The following SULF2 variants were observed in gnomAD, a reference collection of about 807,000 sequenced individuals.
SULF2 encodes sulfatase 2.
Under a neutral mutation model 107.7 loss-of-function variants are expected in SULF2, and 52 were observed. The observed-to-expected ratio is 0.48, with a 90% CI of 0.39 to 0.61. SULF2 has a LOEUF of 0.61. Ranked by LOEUF, SULF2 falls within the 20% of genes least tolerant of loss-of-function variation. The pLI, the probability that SULF2 is intolerant of heterozygous loss-of-function variation, is 0.00. For synonymous variants in SULF2, 460 were observed against 464.3 expected, an observed-to-expected ratio of 0.99 and a Z score of 0.12; for missense variants, 993 against 1,177.3, an observed-to-expected ratio of 0.84 and a Z score of 2.29.
At chr20:47,661,706 C>T in intron 18 of SULF2, 67 bp downstream of exon 18, 1 of 1,384,264 alleles carries the variant, frequency 7.2e-7, no homozygotes, top group Non-Finnish European at 9.5e-7. Context: ...GGGTAGACAC[C>T]ACCTCCTGAG....
At chr20:47,679,810 G>T (rs537055426) in intron 7 of SULF2, among the ~76,000 whole-genome samples, 1 of 152,284 alleles carries the variant, frequency 6.6e-6, no homozygotes, top group Admixed American at 6.5e-5. Context: ...GTGGCAGTTT[G>T]TTCTGCAGCA....
At position 47,746,990 on chromosome 20, in the gene SULF2, AAAAAATATAT is replaced by A. The variant is rs1487809051; in HGVS notation, c.176-10058_176-10049del. ...CCTAGAACTTAAATAAATAAAAAAAAAAAAATATATATATATATATATATATATACACACA... is the reference window on the plus strand; with the variant it reads ...CCTAGAACTTAAATAAATAAAAAAAAATATATATATATATATATACACACA... On this transcript the variant is annotated intron_variant, in intron 2 of 20. Coordinates refer to ENST00000688720, the MANE Select transcript of SULF2 (RefSeq NM_001387048.1). 1.6e-3 allele frequency among the ~76,000 whole-genome samples: 104 copies of A among 64,856 alleles called. 1 individual carries two copies. Among genetic ancestry groups the A allele is most frequent in the African/African-American group, 5.7e-3 (99 of 17,262 alleles). The allele number at this position is 64,856 out of a possible 152,430, so 42.5% of individuals were successfully genotyped here.
intron 3 of SULF2, among the ~76,000 whole-genome samples, chr20:47,731,789 G>T (rs762474189): frequency 7.9e-5 from 12 of 152,258 alleles, no homozygotes; most frequent in Non-Finnish European, 1.5e-4. Context: ...CCATCATGCT[G>T]CTGGCGCATA....
At chr20:47,745,434 TATATATATATATATATATATATAC>T (rs1307208351) in intron 2 of SULF2, among the ~76,000 whole-genome samples, 9 of 9,172 alleles carry the variant, frequency 9.8e-4, no homozygotes, top group Non-Finnish European at 1.7e-3. Flanking sequence ...TATATATATA[TATATATATATATATATATATATAC>T]ACATACACAC....
intron 14 of SULF2, among the ~76,000 whole-genome samples, chr20:47,664,988 C>T (rs1250076757): frequency 6.6e-6 from 1 of 152,248 alleles, no homozygotes; most frequent in East Asian, 1.9e-4. Context: ...GCTAGCAGTA[C>T]TGGAATCTGG....
In SULF2 at chr20:47,658,273, G is replaced by T. The variant is rs1201792594; in HGVS notation, c.*89C>A. 6 of 1,418,166 alleles carry T rather than the reference G, an allele frequency of 4.2e-6. No homozygotes were observed. The highest frequency in any genetic ancestry group is 6.0e-6 in the Non-Finnish European group (6 of 1,001,384). The allele number at this position is 1,418,166 out of a possible 1,614,324, so 87.8% of individuals were successfully genotyped here. A position where few individuals can be genotyped will look rare whatever the true frequency, so the allele number is the denominator to read the frequency against. On this transcript the variant is annotated 3_prime_UTR_variant, in exon 21 of 21. Transcript: ENST00000688720. ...CTCAGGCCTCCTGGCCAATACCACA[G>T]GTCTGCTGGAAATCACCCACATGGT...
intron 2 of SULF2, among the ~76,000 whole-genome samples, chr20:47,742,927 A>ATTTTTTTTTTTTTTTTTTTTTTTTTTTTT (rs397837137): frequency 1.0e-5 from 1 of 99,452 alleles, no homozygotes. Context: ...TCAAAACATG[A>ATTTTTTTTTTTTTTTTTTTTTTTTTTTTT]TTTTTTTTTT....
intron 2 of SULF2, among the ~76,000 whole-genome samples, chr20:47,747,222 TA>T (rs1287031848): frequency 6.6e-6 from 1 of 152,066 alleles, no homozygotes; most frequent in Non-Finnish European, 1.5e-5. Flanking sequence ...CATTACAAAA[TA>T]AAGACAAATG....
rs1034802277 is a variant in SULF2, at chr20:47,665,155, T to C, written c.1997+44A>G. The C allele has an allele frequency of 7.2e-6, 9 of 1,242,562 alleles. No individual in the cohort carries two copies. The Admixed American group carries it at 1.3e-4, about 19-fold the overall frequency. The allele number at this position is 1,242,562 out of a possible 1,614,324, so 77.0% of individuals were successfully genotyped here. On this transcript the variant is annotated intron_variant, in intron 14 of 20. Transcript: ENST00000688720. The stretch of plus-strand genomic sequence containing the variant: ...AGAGGGGATGAACTGAACTGTCCTG[T>C]AGGAGAGTGGGGTCTTAGGGAGGTC...
At chr20:47,751,994 C>T (rs1390288850) in intron 2 of SULF2, among the ~76,000 whole-genome samples, 1 of 152,218 alleles carries the variant, frequency 6.6e-6, no homozygotes, top group Non-Finnish European at 1.5e-5. Flanking sequence ...GTAACCATGC[C>T]AGGCTCACAT....
intron 2 of SULF2, among the ~76,000 whole-genome samples, chr20:47,738,355 C>T (rs1600615763): frequency 6.6e-6 from 1 of 152,170 alleles, no homozygotes; most frequent in East Asian, 1.9e-4. Context: ...CTTCTATGGC[C>T]ATCCTTGGTT....
intron 5 of SULF2, among the ~76,000 whole-genome samples, chr20:47,687,562 G>C (rs116750794): frequency 5.4e-4 from 82 of 152,216 alleles, no homozygotes; most frequent in Non-Finnish European, 8.4e-4. Flanking sequence ...CACAATCAGC[G>C]CCCTTTGAAG....
At chr20:47,668,853 AC>A (rs2087367803) in intron 11 of SULF2, among the ~76,000 whole-genome samples, 1 of 152,138 alleles carries the variant, frequency 6.6e-6, no homozygotes, top group South Asian at 2.1e-4. Flanking sequence ...CCTCGGCCAC[AC>A]CGGTCACCTC....
intron 2 of SULF2, among the ~76,000 whole-genome samples, chr20:47,752,511 G>C (rs1160104678): frequency 1.4e-5 from 2 of 147,792 alleles, no homozygotes; most frequent in Non-Finnish European, 3.0e-5. Context: ...GGGGCGGATT[G>C]TTTGAGCTCA....
intron 1 of SULF2, among the ~76,000 whole-genome samples, chr20:47,783,291 A>G (rs888970996): frequency 6.6e-6 from 1 of 152,216 alleles, no homozygotes; most frequent in African/African-American, 2.4e-5. Context: ...CTGCAGGACT[A>G]AAGTCTAAGG....
At chr20:47,700,270 G>C (rs2088517409) in intron 4 of SULF2, among the ~76,000 whole-genome samples, 1 of 152,178 alleles carries the variant, frequency 6.6e-6, no homozygotes, top group Non-Finnish European at 1.5e-5. Flanking sequence ...AGCTTCCTTA[G>C]AGCATGGCCA....
chr20:47,702,629 C>A lies in SULF2; in HGVS notation c.457G>T (p.Val153Leu). The A allele has an allele frequency of 6.2e-7, 1 of 1,613,886 alleles. No homozygotes were observed. The highest frequency in any genetic ancestry group is 1.1e-5 in the South Asian group (1 of 91,070). The change falls in exon 4 of 21, where the codon GTG becomes TTG. Residue 153 changes from valine (V) to leucine (L), a missense_variant. Physicochemically the swap from Val to Leu is conservative, Grantham distance 32. Coordinates refer to ENST00000688720, the MANE Select transcript of SULF2 (RefSeq NM_001387048.1). ...KYLNEYNGSY[V>L]PPGWKEWVGL... The stretch of plus-strand genomic sequence containing the variant: ...ACCCACTCCTTCCAGCCGGGTGGCA[C>A]GTAGGAGCCGTTGTATTCATTAAGA...
At chr20:47,762,433 A>G (rs903478362) in intron 1 of SULF2, among the ~76,000 whole-genome samples, 1 of 152,224 alleles carries the variant, frequency 6.6e-6, no homozygotes, top group Non-Finnish European at 1.5e-5. Context: ...ATTAATATGC[A>G]CACCCACCCA....
chr20:47,674,314 A>G (rs2087570482), intron 10 of SULF2, among the ~76,000 whole-genome samples: 1 of 152,172 alleles, frequency 6.6e-6, no homozygotes, highest in East Asian at 1.9e-4. Flanking sequence ...TGGGGTCCCT[A>G]CAGCTGCTGA....
Sources: allele counts gnomAD v4.1 joint callset (sites outside exome capture counted in the v4.1 genomes callset), GRCh38; gene constraint gnomAD v4.1.1; transcripts MANE v1.5; gene names NCBI Gene and HGNC (gene_info 2026-07-23, HGNC 2026-07-21).